The following CACNB2 variants were observed in gnomAD, a reference collection of about 807,000 sequenced individuals.
CACNB2 encodes voltage-dependent L-type calcium channel subunit beta-2.
In CACNB2, 42 loss-of-function variants were observed where a neutral mutation model predicts 73.3. That is an observed-to-expected ratio of 0.57 (90% CI 0.45 to 0.74). The LOEUF (loss-of-function observed/expected upper bound fraction) is 0.74, where lower values mean the gene tolerates loss of function less well. Among genes scored for constraint, CACNB2 ranks in the 30% least tolerant of loss-of-function variants. The pLI, the probability that CACNB2 is intolerant of heterozygous loss-of-function variation, is 0.00. For synonymous variants in CACNB2, 348 were observed against 310.3 expected, an observed-to-expected ratio of 1.12 and a Z score of -1.28; for missense variants, 940 against 853.0, an observed-to-expected ratio of 1.10 and a Z score of -1.27.
intron 2 of CACNB2, among the ~76,000 whole-genome samples, chr10:18,280,287 A>G (rs910907205): frequency 2.0e-5 from 3 of 152,210 alleles, no homozygotes; most frequent in Non-Finnish European, 4.4e-5. Flanking sequence ...TTTAGCAGGT[A>G]CTATCCTAAG....
At chr10:18,471,994 C>T (rs968298655) in intron 3 of CACNB2, among the ~76,000 whole-genome samples, 3 of 152,118 alleles carry the variant, frequency 2.0e-5, no homozygotes, top group Non-Finnish European at 2.9e-5. Flanking sequence ...TCACCCCAGA[C>T]GTGTTCAACT....
chr10:18,506,866 C>T (rs930173611), intron 6 of CACNB2, among the ~76,000 whole-genome samples: 2 of 152,264 alleles, frequency 1.3e-5, no homozygotes, highest in South Asian at 2.1e-4. Flanking sequence ...GTGGCATGAT[C>T]GCAGCTCACT....
At chr10:18,412,254 A>C (rs1242654088) in intron 3 of CACNB2, among the ~76,000 whole-genome samples, 1 of 152,212 alleles carries the variant, frequency 6.6e-6, no homozygotes, top group Non-Finnish European at 1.5e-5. Flanking sequence ...CCTGGAGTCA[A>C]ATGGGAATTA....
chr10:18,511,867 C>T (rs535201606), intron 6 of CACNB2, among the ~76,000 whole-genome samples: 7 of 152,216 alleles, frequency 4.6e-5, no homozygotes, highest in Admixed American at 1.3e-4. Flanking sequence ...CTGTGGTATA[C>T]GGAGGGTTAT....
intron 3 of CACNB2, among the ~76,000 whole-genome samples, chr10:18,464,605 T>C (rs1467801113): frequency 6.6e-6 from 1 of 152,058 alleles, no homozygotes; most frequent in African/African-American, 2.4e-5. Flanking sequence ...CCCTTTTCAA[T>C]AATGGCCCTA....
chr10:18,244,586 A>G (rs2036788690), intron 2 of CACNB2, among the ~76,000 whole-genome samples: 1 of 152,212 alleles, frequency 6.6e-6, no homozygotes, highest in African/African-American at 2.4e-5. Flanking sequence ...AAATTTCTGG[A>G]CAGCTCTTTG....
intron 2 of CACNB2, among the ~76,000 whole-genome samples, chr10:18,258,752 AAAC>A (rs1419598077): frequency 6.6e-6 from 1 of 152,254 alleles, no homozygotes; most frequent in South Asian, 2.1e-4. Flanking sequence ...AGCAAACAAA[AAAC>A]AAAAAAAAAC....
Position 18,539,746 on chromosome 10 carries a change from T to C in CACNB2, c.*22T>C, listed in dbSNP as rs774736391. The C allele has an allele frequency of 9.5e-6, 15 of 1,573,180 alleles. No individual in the cohort carries two copies. Among genetic ancestry groups the C allele is most frequent in the Admixed American group, 1.9e-5 (1 of 53,728 alleles). The stretch of plus-strand genomic sequence containing the variant: ...ATGAGTTTTGCCCGTTTGTGTTTTT[T>C]TTTTTTTTTTTTTGAAGTCTTGTAT... On this transcript the variant is annotated 3_prime_UTR_variant, in exon 14 of 14. Coordinates refer to ENST00000324631, the MANE Select transcript of CACNB2 (RefSeq NM_201596.3).
In CACNB2 at chr10:18,373,528, A is replaced by T. The variant is rs1042962166; in HGVS notation, c.214-28396A>T. On this transcript the variant is annotated intron_variant, in intron 2 of 13. Transcript: ENST00000324631. ...AGGAATTCGAGGCTTAATGAGTTTGAAAAATGTGCCCAAGATCACATAGTT... is the reference window on the plus strand; with the variant it reads ...AGGAATTCGAGGCTTAATGAGTTTGTAAAATGTGCCCAAGATCACATAGTT... Among the ~76,000 whole-genome samples, 21 of 152,292 alleles carry T rather than the reference A, an allele frequency of 1.4e-4. No individual in the cohort carries two copies. The East Asian group carries it at 4.1e-3, about 29-fold the overall frequency.
chr10:18,324,421 G>T (rs946741061), intron 2 of CACNB2, among the ~76,000 whole-genome samples: 1 of 152,196 alleles, frequency 6.6e-6, no homozygotes, highest in African/African-American at 2.4e-5. Context: ...CTTGCCAGTC[G>T]CAAATACTTA....
At chr10:18,523,492 C>A (rs1046595719) in intron 9 of CACNB2, among the ~76,000 whole-genome samples, 5 of 152,154 alleles carry the variant, frequency 3.3e-5, no homozygotes, top group African/African-American at 1.2e-4. Context: ...TTATTTCTAG[C>A]CAGAAGTAAC....
chr10:18,485,940 A>G (rs556001832), intron 3 of CACNB2, among the ~76,000 whole-genome samples: 30 of 150,070 alleles, frequency 2.0e-4, no homozygotes, highest in African/African-American at 7.1e-4. Context: ...TCATTTCTCT[A>G]AAAAGAGCAA....
intron 3 of CACNB2, among the ~76,000 whole-genome samples, chr10:18,467,714 A>C (rs1030751519): frequency 3.2e-4 from 48 of 152,088 alleles, no homozygotes; most frequent in African/African-American, 1.1e-3. Flanking sequence ...ACCCAACTCA[A>C]ATGGGTCCTC....
At chr10:18,434,524 G>A (rs1182609360) in intron 3 of CACNB2, among the ~76,000 whole-genome samples, 1 of 152,152 alleles carries the variant, frequency 6.6e-6, no homozygotes, top group Non-Finnish European at 1.5e-5. Flanking sequence ...AAATGTTTTA[G>A]TCTCGTGACC....
chr10:18,345,147 A>G (rs1446556408), intron 2 of CACNB2, among the ~76,000 whole-genome samples: 1 of 152,232 alleles, frequency 6.6e-6, no homozygotes, highest in African/African-American at 2.4e-5. Context: ...TATGGTTTTC[A>G]GCTCCATTAA....
chr10:18,394,602 G>A (rs575676170), intron 2 of CACNB2, among the ~76,000 whole-genome samples: 1 of 152,080 alleles, frequency 6.6e-6, no homozygotes, highest in African/African-American at 2.4e-5. Context: ...CTTGCATTTG[G>A]CTATGCAATG....
rs12261119 is a variant in CACNB2 at position 18,440,175 on chromosome 10, C to T, written c.333+38132C>T. Reference sequence around the variant, plus strand: ...GGAAGGGCAAAAAAGGATGGACAGGCTCCTTCAATCCCTTTTATAAAGGCA... The same window carrying T: ...GGAAGGGCAAAAAAGGATGGACAGGTTCCTTCAATCCCTTTTATAAAGGCA... On this transcript the variant is annotated intron_variant, in intron 3 of 13. Coordinates refer to ENST00000324631, the MANE Select transcript of CACNB2 (RefSeq NM_201596.3). Among the ~76,000 whole-genome samples the T allele has an allele frequency of 9.9e-5, 15 of 152,092 alleles. 1 individual carries two copies. The highest frequency in any genetic ancestry group is 9.2e-4 in the Admixed American group (14 of 15,256).
chr10:18,247,556 TA>T (rs201736567), intron 2 of CACNB2, among the ~76,000 whole-genome samples: 180 of 149,996 alleles, frequency 1.2e-3, no homozygotes, highest in African/African-American at 3.4e-3. Flanking sequence ...CATCATCTCT[TA>T]AAAAAAAAAT....
chr10:18,459,719 A>G (rs1288418524), intron 3 of CACNB2, among the ~76,000 whole-genome samples: 1 of 152,198 alleles, frequency 6.6e-6, no homozygotes, highest in African/African-American at 2.4e-5. Flanking sequence ...GTAAAAGTAG[A>G]ATGCTGGCCG....
Sources: gnomAD v4.1 joint callset for allele counts (sites outside exome capture counted in the v4.1 genomes callset) on GRCh38, gnomAD v4.1.1 for gene constraint, MANE v1.5 for transcripts, NCBI Gene and HGNC (gene_info 2026-07-23, HGNC 2026-07-21) for gene names.